Variants in GTF2I observed in about 807,000 individuals in gnomAD.
GTF2I encodes general transcription factor II-I.
GTF2I carries 12 observed loss-of-function variants against 67.6 expected under a neutral mutation model. The observed-to-expected ratio is 0.18, with a 90% CI of 0.11 to 0.29. The LOEUF (loss-of-function observed/expected upper bound fraction) is 0.29. GTF2I is among the 10% of genes least tolerant of loss of function. GTF2I has a pLI of 1.00. For synonymous variants in GTF2I, 149 were observed against 197.0 expected, an observed-to-expected ratio of 0.76 and a Z score of 2.04; for missense variants, 271 against 580.1, an observed-to-expected ratio of 0.47 and a Z score of 5.47.
intron 11 of GTF2I, among the ~76,000 whole-genome samples, chr7:74,717,911 CCT>C (rs1314436958): frequency 6.6e-6 from 1 of 152,128 alleles, no homozygotes; most frequent in African/African-American, 2.4e-5. Flanking sequence ...GTTACATTTC[CCT>C]GTCAGCCCTT....
chr7:74,706,368 C>A, intron 7 of GTF2I, 22 bp from the exon 8 acceptor site: 1 of 1,611,402 alleles, frequency 6.2e-7, no homozygotes, highest in Non-Finnish European at 8.5e-7. Flanking sequence ...GTGGCTTGAT[C>A]AGGGCTTTCT....
chr7:74,689,347 ACTT>A, intron 2 of GTF2I, 120 bp downstream of exon 2: 2 of 298,148 alleles, frequency 6.7e-6, no homozygotes, highest in Non-Finnish European at 1.1e-5. Flanking sequence ...CTTTTTCTTT[ACTT>A]TTTTTTTTTT....
intron 6 of GTF2I, among the ~76,000 whole-genome samples, chr7:74,702,436 C>T (rs1314218955): frequency 6.6e-6 from 1 of 152,100 alleles, no homozygotes; most frequent in Non-Finnish European, 1.5e-5. Context: ...CCATGTTGGC[C>T]AGGATGGTCT....
intron 7 of GTF2I, 21 bp downstream of exon 7, chr7:74,705,239 T>A: frequency 6.8e-7 from 1 of 1,474,758 alleles, no homozygotes; most frequent in Non-Finnish European, 9.5e-7. Context: ...ATTTCATTAC[T>A]GCTGTTTAAC....
chr7:74,682,661 A>C (rs1331011018), intron 1 of GTF2I, among the ~76,000 whole-genome samples: 1 of 152,212 alleles, frequency 6.6e-6, no homozygotes, highest in African/African-American at 2.4e-5. Flanking sequence ...TAACTAACTC[A>C]CTAAGATAAT....
chr7:74,718,195 C>T (rs1792502877), intron 11 of GTF2I, among the ~76,000 whole-genome samples: 1 of 152,222 alleles, frequency 6.6e-6, no homozygotes. Context: ...AATCTGGGTT[C>T]TGGCCTTTAT....
intron 10 of GTF2I, 48 bp from the exon 11 acceptor site, chr7:74,716,846 A>G (rs782669768): frequency 8.2e-7 from 1 of 1,225,276 alleles, no homozygotes; most frequent in Non-Finnish European, 1.2e-6. Context: ...TTCATCTTTC[A>G]ATGTCAGTTT....
intron 9 of GTF2I, 62 bp from the exon 10 acceptor site, chr7:74,714,795 A>G (rs1398077272): frequency 1.8e-6 from 2 of 1,128,814 alleles, no homozygotes; most frequent in African/African-American, 1.6e-5. Flanking sequence ...TGTTGACTAA[A>G]GTCACCCCAC....
intron 8 of GTF2I, among the ~76,000 whole-genome samples, chr7:74,707,274 G>T: frequency 6.6e-6 from 1 of 152,168 alleles, no homozygotes; most frequent in East Asian, 1.9e-4. Context: ...CCCGCTGCTC[G>T]GCCCTGTGCC....
chr7:74,733,271 T>C (rs1554407118), intron 15 of GTF2I, among the ~76,000 whole-genome samples: 1 of 123,012 alleles, frequency 8.1e-6, no homozygotes, highest in Non-Finnish European at 1.7e-5. Flanking sequence ...ATGATTGTTT[T>C]TATAGATGTG....
chr7:74,670,713 A>C (rs1053843340), intron 1 of GTF2I, among the ~76,000 whole-genome samples: 140 of 151,626 alleles, frequency 9.2e-4, no homozygotes, highest in African/African-American at 2.8e-3. Flanking sequence ...AAAAAAACAA[A>C]AAAAAAAAAC....
At chr7:74,695,555 C>T (rs943810648) in intron 3 of GTF2I, among the ~76,000 whole-genome samples, 6 of 152,144 alleles carry the variant, frequency 3.9e-5, no homozygotes, top group Admixed American at 3.9e-4. Flanking sequence ...ATACATTCAG[C>T]AACTTATTAG....
At position 74,674,851 on chromosome 7, in the gene GTF2I, A is replaced by C. The variant is rs1252848459; in HGVS notation, c.-5-14273A>C. 3.4e-5 allele frequency among the ~76,000 whole-genome samples: 5 copies of C among 148,300 alleles called. No individual in the cohort carries two copies. In the Admixed American group the frequency reaches 3.4e-4, roughly 10 times the overall value. On this transcript the variant is annotated intron_variant, in intron 1 of 34. Coordinates refer to ENST00000573035, the MANE Select transcript of GTF2I (RefSeq NM_032999.4). ...CATGAGCCACTATGCCCAGCCCTCT[A>C]ATATATATATATATTTTTTTGAGAC...
intron 12 of GTF2I, among the ~76,000 whole-genome samples, chr7:74,721,172 G>A (rs1165151194): frequency 6.6e-6 from 1 of 152,186 alleles, no homozygotes; most frequent in Non-Finnish European, 1.5e-5. Flanking sequence ...CTCCTGAGTA[G>A]CTGGGATTAC....
intron 1 of GTF2I, among the ~76,000 whole-genome samples, chr7:74,666,648 A>G (rs1184179410): frequency 6.6e-6 from 1 of 151,836 alleles, no homozygotes; most frequent in Non-Finnish European, 1.5e-5. Context: ...CCTGGCCAAC[A>G]TGGTGAAACC....
At chr7:74,723,050 G>A (rs1358044172) in intron 12 of GTF2I, among the ~76,000 whole-genome samples, 1 of 151,894 alleles carries the variant, frequency 6.6e-6, no homozygotes, top group Admixed American at 6.6e-5. Flanking sequence ...ATATAATTAG[G>A]GACTAAACTA....
chr7:74,662,846 C>T (rs1402691628), intron 1 of GTF2I, among the ~76,000 whole-genome samples: 14 of 152,042 alleles, frequency 9.2e-5, no homozygotes, highest in Admixed American at 6.6e-4. Context: ...GATTTCTTTC[C>T]GGGGAAAATA....
intron 28 of GTF2I, among the ~76,000 whole-genome samples, 173 bp from the exon 29 acceptor site, chr7:74,752,921 T>C (rs1795901863): frequency 6.9e-6 from 1 of 145,194 alleles, no homozygotes; most frequent in Admixed American, 7.0e-5. Context: ...AAGTGCATCA[T>C]TGAGCAGCGG....
intron 3 of GTF2I, among the ~76,000 whole-genome samples, chr7:74,691,402 C>T (rs1788292691): frequency 6.6e-6 from 1 of 152,092 alleles, no homozygotes; most frequent in Non-Finnish European, 1.5e-5. Context: ...GACGGGGTTT[C>T]TCCATGTTGG....
Sources: gnomAD v4.1 joint callset for allele counts (sites outside exome capture counted in the v4.1 genomes callset) on GRCh38, gnomAD v4.1.1 for gene constraint, MANE v1.5 for transcripts, NCBI Gene and HGNC (gene_info 2026-07-23, HGNC 2026-07-21) for gene names.